The following ZBTB20 variants were observed in gnomAD, a reference collection of about 807,000 sequenced individuals.
ZBTB20 encodes zinc finger and BTB domain containing 20.
ZBTB20 carries 9 observed loss-of-function variants against 56.9 expected under a neutral mutation model. The ratio of observed to expected loss-of-function variants is 0.16; its 90% CI spans 0.10 to 0.28. The LOEUF is 0.28. Among genes scored for constraint, ZBTB20 ranks in the 10% least tolerant of loss-of-function variants. ZBTB20 has a pLI of 1.00. For missense variants in ZBTB20, 655 were observed against 1,003.0 expected, an observed-to-expected ratio of 0.65 and a Z score of 4.69; for synonymous variants, 417 against 420.7, an observed-to-expected ratio of 0.99 and a Z score of 0.11.
chr3:114,347,806 T>C (rs1405395361), intron 11 of ZBTB20, among the ~76,000 whole-genome samples: 2 of 152,244 alleles, frequency 1.3e-5, no homozygotes, highest in African/African-American at 4.8e-5. Context: ...GATTGATATA[T>C]GCACATTATT....
rs542695035 is a variant in ZBTB20, at chr3:114,418,619, G to A, written c.-254-29514C>T. Reference sequence around the variant, plus strand: ...AAAAATCAAGCAGTGAGAACAGTTGGGTTTTGATACAGTTTCCCAAGGGAA... The same window carrying A: ...AAAAATCAAGCAGTGAGAACAGTTGAGTTTTGATACAGTTTCCCAAGGGAA... On this transcript the variant is annotated intron_variant, in intron 7 of 11. Coordinates refer to ENST00000675478, the MANE Select transcript of ZBTB20 (RefSeq NM_001348800.3). Among the ~76,000 whole-genome samples the A allele has an allele frequency of 2.0e-5, 3 of 152,028 alleles. No individual in the cohort carries two copies. In the South Asian group the frequency reaches 6.2e-4, roughly 32 times the overall value.
intron 10 of ZBTB20, 121 bp from the exon 11 acceptor site, chr3:114,351,999 C>T: frequency 3.2e-6 from 4 of 1,266,114 alleles, no homozygotes; most frequent in East Asian, 2.4e-5. Context: ...CCCTTACATA[C>T]GCAAGTGGGG....
Position 114,351,466 on chromosome 3 carries a change from G to C in ZBTB20, c.612C>G (p.Ile204Met), listed in dbSNP as rs748517706. 2.5e-6 allele frequency: 4 copies of C among 1,613,716 alleles called. No individual in the cohort carries two copies. The highest frequency in any genetic ancestry group is 3.4e-6 in the Non-Finnish European group (4 of 1,180,020). ...GCGGCGTGTCCTGGCCCGAGTCCTG[G>C]ATCCCCGGGAACACATCGCCCACGT... Reference protein sequence around the residue: ...SQNVGDVFPGIQDSGQDTPRG... With the variant: ...SQNVGDVFPGMQDSGQDTPRG... Residue 204 changes from isoleucine (I) to methionine (M), a missense_variant, in exon 11 of 12, where the codon ATC (isoleucine) becomes ATG (methionine). Transcript: ENST00000675478.
At chr3:114,861,810 TAAGA>T (rs1326107805) in intron 4 of ZBTB20, 1 of 151,938 alleles carries the variant, frequency 6.6e-6, no homozygotes, top group African/African-American at 2.4e-5. Flanking sequence ...AAAGAACAGA[TAAGA>T]AAGAGAAGCA....
intron 7 of ZBTB20, among the ~76,000 whole-genome samples, chr3:114,443,751 G>C (rs1233010797): frequency 6.6e-6 from 1 of 152,114 alleles, no homozygotes; most frequent in African/African-American, 2.4e-5. Flanking sequence ...ACAATGATGA[G>C]TGATAACCTT....
chr3:114,767,265 T>A (rs2068851307), intron 5 of ZBTB20, among the ~76,000 whole-genome samples: 1 of 152,112 alleles, frequency 6.6e-6, no homozygotes, highest in Non-Finnish European at 1.5e-5. Flanking sequence ...TACTACCTTT[T>A]TTCCCACTGA....
intron 8 of ZBTB20, among the ~76,000 whole-genome samples, chr3:114,384,581 A>C (rs1411121851): frequency 1.3e-5 from 2 of 152,344 alleles, no homozygotes; most frequent in Non-Finnish European, 2.9e-5. Flanking sequence ...AAACATTTTC[A>C]TCTCCTCACT....
At chr3:114,460,158 G>T (rs1227032501) in intron 7 of ZBTB20, among the ~76,000 whole-genome samples, 1 of 152,050 alleles carries the variant, frequency 6.6e-6, no homozygotes, top group East Asian at 1.9e-4. Context: ...TTATACTCTT[G>T]ACTCCAGATC....
chr3:115,088,799 T>TG (rs1223527491), intron 1 of ZBTB20, among the ~76,000 whole-genome samples: 1 of 151,774 alleles, frequency 6.6e-6, no homozygotes, highest in Non-Finnish European at 1.5e-5. Flanking sequence ...ACACTTTCAT[T>TG]GAAATTTAAA....
intron 7 of ZBTB20, among the ~76,000 whole-genome samples, chr3:114,407,542 C>A (rs1211262780): frequency 6.6e-6 from 1 of 152,148 alleles, no homozygotes; most frequent in East Asian, 1.9e-4. Flanking sequence ...AGAAATAGCA[C>A]ATTTTTAGGA....
At chr3:114,354,448 C>T (rs1375786078) in intron 10 of ZBTB20, among the ~76,000 whole-genome samples, 1 of 152,088 alleles carries the variant, frequency 6.6e-6, no homozygotes, top group Non-Finnish European at 1.5e-5. Context: ...GGAAGTAGCC[C>T]TATCACAATT....
Position 114,329,003 on chromosome 3 carries a change from A to T in ZBTB20, c.*10002T>A, listed in dbSNP as rs2079148380. Reference sequence around the variant, plus strand: ...ACAATTATGTTTGTCTAGTAGAAATATATCTGCTGGAACACTTTGGAGAAC... The same window carrying T: ...ACAATTATGTTTGTCTAGTAGAAATTTATCTGCTGGAACACTTTGGAGAAC... On this transcript the variant is annotated 3_prime_UTR_variant, in exon 12 of 12. Coordinates refer to ENST00000675478, the MANE Select transcript of ZBTB20 (RefSeq NM_001348800.3). 6.6e-6 allele frequency: 1 copy of T among 152,234 alleles called. No individual in the cohort carries two copies. The highest frequency in any genetic ancestry group is 2.1e-4 in the South Asian group (1 of 4,830). The allele number at this position is 152,234 out of a possible 1,614,324, so 9.4% of individuals were successfully genotyped here.
chr3:114,631,127 T>G (rs2058913782), intron 6 of ZBTB20, among the ~76,000 whole-genome samples: 1 of 152,022 alleles, frequency 6.6e-6, no homozygotes, highest in Non-Finnish European at 1.5e-5. Flanking sequence ...TATAATTTAC[T>G]TAAGAAAAAA....
At chr3:114,821,857 T>G (rs941004210) in intron 4 of ZBTB20, among the ~76,000 whole-genome samples, 2 of 152,154 alleles carry the variant, frequency 1.3e-5, no homozygotes, top group African/African-American at 4.8e-5. Flanking sequence ...AAAAAAGTGA[T>G]GCATTCAATG....
chr3:114,787,462 CATAT>C (rs1435443374), intron 5 of ZBTB20, among the ~76,000 whole-genome samples: 1 of 146,678 alleles, frequency 6.8e-6, no homozygotes, highest in Non-Finnish European at 1.5e-5. Context: ...CACATATATA[CATAT>C]ATATCCATTT....
rs142462290 is a variant in ZBTB20, at chr3:115,026,853, A to G, written c.-507+44366T>C. ...GGAGGAAAATAGAATAAAAAGCAAC[A>G]GTAACAATATAAAAAAAAAATCACC... On this transcript the variant is annotated intron_variant, in intron 2 of 11. Transcript: ENST00000675478. Among the ~76,000 whole-genome samples, 649 of 150,886 alleles carry G rather than the reference A, an allele frequency of 4.3e-3. 6 individuals are homozygous for G. The highest frequency in any genetic ancestry group is 0.015 in the African/African-American group (607 of 41,378).
At chr3:114,800,997 A>T (rs1221525380) in intron 5 of ZBTB20, 104 bp downstream of exon 5, 1 of 151,920 alleles carries the variant, frequency 6.6e-6, no homozygotes, top group Non-Finnish European at 1.5e-5. Flanking sequence ...CTTCAGGGAC[A>T]TTCAAATTTT....
intron 10 of ZBTB20, among the ~76,000 whole-genome samples, chr3:114,376,237 G>A (rs2083610290): frequency 6.6e-6 from 1 of 152,134 alleles, no homozygotes; most frequent in Admixed American, 6.5e-5. Flanking sequence ...AAAATCAAAG[G>A]ATAAAAGCTG....
chr3:114,571,984 G>A (rs1440665722), intron 6 of ZBTB20, among the ~76,000 whole-genome samples: 1 of 152,104 alleles, frequency 6.6e-6, no homozygotes, highest in Non-Finnish European at 1.5e-5. Context: ...GTCCTGGGAG[G>A]CATTAATGCT....
Sources: gnomAD v4.1 joint callset for allele counts (sites outside exome capture counted in the v4.1 genomes callset) on GRCh38, gnomAD v4.1.1 for gene constraint, MANE v1.5 for transcripts, NCBI Gene and HGNC (gene_info 2026-07-23, HGNC 2026-07-21) for gene names.